Variants in ZNF654 observed in about 807,000 individuals in gnomAD.
ZNF654 encodes zinc finger protein 654, also known as melanoma-associated antigen.
ZNF654 carries 19 observed loss-of-function variants against 95.3 expected under a neutral mutation model. That is an observed-to-expected ratio of 0.20 (90% CI 0.14 to 0.29). ZNF654 has a LOEUF of 0.29. ZNF654 is among the 10% of genes least tolerant of loss of function. The probability of loss-of-function intolerance (pLI) is 1.00; values close to 1 mark genes in which losing one functional copy is unlikely to be tolerated. For missense variants in ZNF654, 1,046 were observed against 1,341.0 expected (o/e 0.78, Z 3.44); for synonymous variants, 413 against 457.9 (o/e 0.90, Z 1.25).
At chr3:88,093,743 A>G (rs1196695610) in intron 2 of ZNF654, among the ~76,000 whole-genome samples, 1 of 152,234 alleles carries the variant, frequency 6.6e-6, no homozygotes, top group Non-Finnish European at 1.5e-5. Context: ...TCTCTACTCT[A>G]TAATCAAGTT....
At chr3:88,095,946 G>C in intron 2 of ZNF654, 2 of 345,886 alleles carry the variant, frequency 5.8e-6, no homozygotes, top group Non-Finnish European at 5.4e-6. Context: ...TGAAATGTTA[G>C]CTGTGTGCTT....
At chr3:88,075,863 A>G (rs1707773069) in intron 1 of ZNF654, among the ~76,000 whole-genome samples, 1 of 152,104 alleles carries the variant, frequency 6.6e-6, no homozygotes, top group Non-Finnish European at 1.5e-5. Context: ...AGCATTCAAT[A>G]TCAAGCAAAT....
chr3:88,126,314 A>G (rs1323472831), intron 4 of ZNF654, 45 bp downstream of exon 4: 1 of 1,409,776 alleles, frequency 7.1e-7, no homozygotes, highest in Non-Finnish European at 9.3e-7. Flanking sequence ...GTGAGAAGCA[A>G]ATACACTTTC....
intron 2 of ZNF654, among the ~76,000 whole-genome samples, chr3:88,111,206 T>G (rs76261481): frequency 0.01 from 1,563 of 152,126 alleles, 25 homozygotes; most frequent in African/African-American, 0.035. Context: ...CAGAGATGCT[T>G]TTTGTTGGGC....
intron 1 of ZNF654, among the ~76,000 whole-genome samples, chr3:88,059,985 C>T (rs1254210184): frequency 6.6e-6 from 1 of 151,896 alleles, no homozygotes; most frequent in African/African-American, 2.4e-5. Context: ...GCCACTGTTC[C>T]CCCTCTTCTA....
intron 3 of ZNF654, among the ~76,000 whole-genome samples, chr3:88,120,101 T>C (rs1323747984): frequency 6.6e-6 from 1 of 152,094 alleles, no homozygotes; most frequent in Non-Finnish European, 1.5e-5. Context: ...ATGTAACTTA[T>C]AGGCATTCAT....
At chr3:88,078,935 TAAA>T (rs1256870002) in intron 1 of ZNF654, among the ~76,000 whole-genome samples, 16 of 152,048 alleles carry the variant, frequency 1.1e-4, no homozygotes, top group Admixed American at 9.8e-4. Context: ...ACTTTGATGA[TAAA>T]AAACTAACTT....
intron 1 of ZNF654, among the ~76,000 whole-genome samples, chr3:88,063,642 G>A (rs1291216014): frequency 6.6e-6 from 1 of 151,962 alleles, no homozygotes; most frequent in East Asian, 1.9e-4. Context: ...TTTTATTAAT[G>A]TACTTAGTTT....
At chr3:88,102,802 C>G (rs2107723877) in intron 2 of ZNF654, among the ~76,000 whole-genome samples, 1 of 144,804 alleles carries the variant, frequency 6.9e-6, no homozygotes, top group Non-Finnish European at 1.5e-5. Context: ...TGCTGTTTAC[C>G]TCAACCTCTA....
At chr3:88,059,654 T>G in intron 1 of ZNF654, 149 bp downstream of exon 1, 469 of 540,628 alleles carry the variant, frequency 8.7e-4, no homozygotes, top group East Asian at 1.2e-3. Context: ...CCTCCACTTA[T>G]CCGGCTTGGG....
rs754759360 is a variant in ZNF654, at chr3:88,140,683, A to G, written c.3014A>G (p.Glu1005Gly). The part of the protein sequence containing the change: ...LKIDTNRIRT[E>G]NGSILPSVVP... ...ATTGATACAAACAGAATCAGGACAG[A>G]AAATGGTTCCATTTTGCCCAGTGTT... Residue 1005 changes from glutamate to glycine, a missense_variant, in exon 8 of 9, where the codon GAA (glutamate) becomes GGA (glycine). By Grantham distance (98) the Glu-to-Gly change is moderately conservative (BLOSUM62 -2). Around this residue, in one of 9 missense-constraint regions of ZNF654, gnomAD observed 495 missense variants for 537.0 expected, o/e 0.92. Transcript: ENST00000636215. The G allele has an allele frequency of 6.2e-7, 1 of 1,613,766 alleles. No homozygotes were observed. Among genetic ancestry groups the G allele is most frequent in the East Asian group, 2.2e-5 (1 of 44,866 alleles).
At position 88,059,260 on chromosome 3, in the gene ZNF654, A is replaced by G. The variant is rs1417273819; in HGVS notation, c.-60A>G. On this transcript the variant is annotated 5_prime_UTR_variant, in exon 1 of 9. Transcript: ENST00000636215. ...CTAGAGAGGAGGAGGAGGTTAGCCT[A>G]GGCATCTACGGCGGCGGCGGCGGCG... The G allele has an allele frequency of 5.6e-5, 85 of 1,531,114 alleles. No homozygotes were observed. The East Asian group carries it at 7.8e-4, about 14-fold the overall frequency. The allele number at this position is 1,531,114 out of a possible 1,614,324, so 94.8% of individuals were successfully genotyped here. A position where few individuals can be genotyped will look rare whatever the true frequency, so the allele number is the denominator to read the frequency against.
Position 88,059,290 on chromosome 3 carries a change from G to C in ZNF654, c.-30G>C. ...TCTACGGCGGCGGCGGCGGCGCAGG[G>C]GCTGGTACGCGCTGGGCGGCGAGAG... is the stretch of plus-strand genomic sequence containing the variant. On this transcript the variant is annotated 5_prime_UTR_variant, in exon 1 of 9. Coordinates refer to ENST00000636215, the MANE Select transcript of ZNF654 (RefSeq NM_001350134.2). 1 of 1,531,858 alleles carries C rather than the reference G, an allele frequency of 6.5e-7. No individual in the cohort carries two copies. Among genetic ancestry groups the C allele is most frequent in the East Asian group, 2.5e-5 (1 of 40,782 alleles). The allele number at this position is 1,531,858 out of a possible 1,614,324, so 94.9% of individuals were successfully genotyped here. A position where few individuals can be genotyped will look rare whatever the true frequency, so the allele number is the denominator to read the frequency against.
intron 3 of ZNF654, among the ~76,000 whole-genome samples, chr3:88,125,636 T>C (rs1372064848): frequency 6.6e-6 from 1 of 152,150 alleles, no homozygotes. Context: ...CTTCCAGCCT[T>C]CTACCACGAT....
In ZNF654 at chr3:88,094,325, T is replaced by A. The variant is rs78608232; in HGVS notation, c.332+7923T>A. The stretch of plus-strand genomic sequence containing the variant: ...GTTGTGACTAGCATCTTTTCCCCGG[T>A]AATTTTGGTCTTTATTGCTCCTTTT... On this transcript the variant is annotated intron_variant, in intron 2 of 8. Transcript: ENST00000636215. 5.1e-4 allele frequency among the ~76,000 whole-genome samples: 77 copies of A among 152,242 alleles called. No homozygotes were observed. The East Asian group carries it at 0.014, about 29-fold the overall frequency.
rs150776191 is a variant in ZNF654 at position 88,081,175 on chromosome 3, G to C, written c.187-5082G>C. Among the ~76,000 whole-genome samples the C allele has an allele frequency of 6.2e-4, 95 of 152,284 alleles. No homozygotes were observed. The East Asian group carries it at 0.015, about 25-fold the overall frequency. ...ATCAATCTATGCATTTTTGGCAGAA[G>C]TGCCACAAAAATGGCATTGTGTCTT... On this transcript the variant is annotated intron_variant, in intron 1 of 8. Coordinates refer to ENST00000636215, the MANE Select transcript of ZNF654 (RefSeq NM_001350134.2).
At chr3:88,121,783 C>A (rs1012491107) in intron 3 of ZNF654, among the ~76,000 whole-genome samples, 1 of 152,006 alleles carries the variant, frequency 6.6e-6, no homozygotes, top group African/African-American at 2.4e-5. Context: ...TATTGAAGAC[C>A]TTTTACATTT....
rs1017249588 is a variant in ZNF654, at chr3:88,086,361, T to C, written c.291T>C (p.Asp97=). Residue 97 remains aspartate, a synonymous_variant, in exon 2 of 9, where the codon GAT becomes GAC. Coordinates refer to ENST00000636215, the MANE Select transcript of ZNF654 (RefSeq NM_001350134.2). Reference sequence around the variant, plus strand: ...CAACAGCCAGTGCATCATTCCCAGATGAATGTGAGCATGTACAATATGTTT... The same window carrying C: ...CAACAGCCAGTGCATCATTCCCAGACGAATGTGAGCATGTACAATATGTTT... ...CFTTASASFP[D]ECEHVQYVLS... The C allele has an allele frequency of 4.8e-5, 73 of 1,535,622 alleles. No individual in the cohort carries two copies. The highest frequency in any genetic ancestry group is 6.3e-5 in the Non-Finnish European group (72 of 1,146,742).
chr3:88,091,711 C>T (rs1708639602), intron 2 of ZNF654, among the ~76,000 whole-genome samples: 1 of 152,094 alleles, frequency 6.6e-6, no homozygotes, highest in Non-Finnish European at 1.5e-5. Context: ...CTGTGCTGTT[C>T]TCATGATAGT....
Sources: allele counts gnomAD v4.1 joint callset (sites outside exome capture counted in the v4.1 genomes callset), GRCh38; gene constraint gnomAD v4.1.1; regional missense constraint gnomAD v4.1.1; transcripts MANE v1.5; gene names NCBI Gene and HGNC (gene_info 2026-07-23, HGNC 2026-07-21).